SUGCT: variants seen among roughly 807,000 people sequenced by gnomAD.
The protein encoded by SUGCT is succinyl-CoA:glutarate-CoA transferase.
In SUGCT, 41 loss-of-function variants were observed where a neutral mutation model predicts 55.0. The observed-to-expected ratio is 0.74, with a 90% CI of 0.58 to 0.97. The LOEUF (loss-of-function observed/expected upper bound fraction) is 0.97. SUGCT is among the 50% of genes least tolerant of loss of function. The pLI, the probability that SUGCT is intolerant of heterozygous loss-of-function variation, is 0.00. For missense variants in SUGCT, 568 were observed against 547.8 expected (o/e 1.04, Z -0.37); for synonymous variants, 187 against 200.4 (o/e 0.93, Z 0.56).
chr7:40,971,234 C>T, the SUGCT span, among the ~76,000 whole-genome samples: 1 of 152,086 alleles, frequency 6.6e-6, no homozygotes, highest in Non-Finnish European at 1.5e-5. Flanking sequence ...CACACTTTTA[C>T]ACAACCAGGT....
intron 13 of SUGCT, among the ~76,000 whole-genome samples, chr7:40,750,112 A>G (rs1584382533): frequency 6.6e-6 from 1 of 152,236 alleles, no homozygotes; most frequent in Non-Finnish European, 1.5e-5. Context: ...TTCAGCAGCC[A>G]GTAGCCTCAT....
At chr7:40,337,317 C>T (rs1039676808) in intron 9 of SUGCT, among the ~76,000 whole-genome samples, 22 of 152,088 alleles carry the variant, frequency 1.4e-4, no homozygotes, top group Non-Finnish European at 2.4e-4. Context: ...AACTTTCTGT[C>T]TCGTTGATCT....
intron 9 of SUGCT, among the ~76,000 whole-genome samples, chr7:40,350,427 C>T (rs1797562290): frequency 6.6e-6 from 1 of 151,474 alleles, no homozygotes; most frequent in African/African-American, 2.4e-5. Flanking sequence ...GATTTTTCTG[C>T]CTCAGCCTCC....
chr7:40,202,466 C>T (rs534785921), intron 6 of SUGCT, among the ~76,000 whole-genome samples: 18 of 152,242 alleles, frequency 1.2e-4, no homozygotes, highest in South Asian at 6.2e-4. Context: ...TATGCACATG[C>T]ATGCATGTGT....
At chr7:40,423,780 G>A (rs1156734631) in intron 9 of SUGCT, among the ~76,000 whole-genome samples, 1 of 152,056 alleles carries the variant, frequency 6.6e-6, no homozygotes. Flanking sequence ...TGGAGAATTT[G>A]ATTCTGTGTA....
chr7:40,999,373 G>A, the SUGCT span, among the ~76,000 whole-genome samples: 2 of 152,010 alleles, frequency 1.3e-5, no homozygotes, highest in African/African-American at 4.8e-5. Flanking sequence ...GTACATCGAT[G>A]GACAAATTCA....
At chr7:41,011,264 G>A in the SUGCT span, among the ~76,000 whole-genome samples, 1 of 152,332 alleles carries the variant, frequency 6.6e-6, no homozygotes, top group Admixed American at 6.5e-5. Context: ...ACTCAGAAGA[G>A]GGGAGCTGTA....
At chr7:40,860,254 A>G in intron 13 of SUGCT, 62 bp from the exon 14 acceptor site, 2 of 1,601,876 alleles carry the variant, frequency 1.2e-6, no homozygotes, top group South Asian at 1.1e-5. Context: ...CAGGCTGCTT[A>G]GGTAATTAAT....
At chr7:40,752,502 C>T (rs1046468851) in intron 13 of SUGCT, among the ~76,000 whole-genome samples, 9 of 152,120 alleles carry the variant, frequency 5.9e-5, no homozygotes, top group African/African-American at 1.7e-4. Context: ...ATTACAGGGA[C>T]GTACCACCAC....
chr7:40,482,055 G>T (rs1307721211), intron 11 of SUGCT, among the ~76,000 whole-genome samples: 2 of 152,104 alleles, frequency 1.3e-5, no homozygotes, highest in East Asian at 3.8e-4. Flanking sequence ...ATATTAAAAT[G>T]TTTTAAAATG....
the SUGCT span, among the ~76,000 whole-genome samples, chr7:40,921,564 C>T: frequency 1.6e-4 from 24 of 152,318 alleles, no homozygotes; most frequent in Middle Eastern, 3.4e-3. Flanking sequence ...CTCTTCACCT[C>T]GAAGAACTCC....
intron 9 of SUGCT, among the ~76,000 whole-genome samples, chr7:40,434,996 A>G (rs546450391): frequency 3.9e-5 from 6 of 152,230 alleles, no homozygotes; most frequent in African/African-American, 1.4e-4. Context: ...GTAGCCATTC[A>G]CACTTCCCAT....
rs749468859 is a variant in SUGCT, at chr7:40,189,528, A to ATT, written c.313-11_313-10dup. The stretch of plus-strand genomic sequence containing the variant: ...TCATCGAAATAATATATATATATAT[A>ATT]TTTTTTAATTTTTAGAGTATTGCTG... On this transcript the variant is annotated splice_polypyrimidine_tract_variant and intron_variant, in intron 4 of 13. Coordinates refer to ENST00000335693, the MANE Select transcript of SUGCT (RefSeq NM_001193313.2). 12 of 980,926 alleles carry ATT rather than the reference A, an allele frequency of 1.2e-5. No individual in the cohort carries two copies. The highest frequency in any genetic ancestry group is 5.3e-5 in the African/African-American group (3 of 56,942). The allele number at this position is 980,926 out of a possible 1,614,324, so 60.8% of individuals were successfully genotyped here. A position where few individuals can be genotyped will look rare whatever the true frequency, so the allele number is the denominator to read the frequency against.
intron 13 of SUGCT, among the ~76,000 whole-genome samples, chr7:40,811,793 A>G (rs1388503009): frequency 6.6e-6 from 1 of 152,236 alleles, no homozygotes; most frequent in East Asian, 1.9e-4. Flanking sequence ...TAGCATTTCC[A>G]GTACTGTATT....
At chr7:40,871,388 C>G in the SUGCT span, among the ~76,000 whole-genome samples, 239 of 152,228 alleles carry the variant, frequency 1.6e-3, 1 homozygote, top group African/African-American at 5.1e-3. Context: ...TTTGGAGGAG[C>G]ACCAGTATAC....
At chr7:40,892,344 A>G in the SUGCT span, among the ~76,000 whole-genome samples, 1 of 152,210 alleles carries the variant, frequency 6.6e-6, no homozygotes, top group Non-Finnish European at 1.5e-5. Context: ...AAATAAAACA[A>G]AGACCTATAG....
At chr7:40,239,265 G>A (rs550359581) in intron 7 of SUGCT, among the ~76,000 whole-genome samples, 5 of 152,098 alleles carry the variant, frequency 3.3e-5, no homozygotes, top group East Asian at 1.9e-4. Context: ...ATTTTTTGTA[G>A]AGATGGTGTC....
intron 11 of SUGCT, among the ~76,000 whole-genome samples, chr7:40,464,624 C>T (rs1343200242): frequency 6.6e-6 from 1 of 152,164 alleles, no homozygotes; most frequent in African/African-American, 2.4e-5. Context: ...TCATTAGAAA[C>T]TGTACTGTGA....
intron 12 of SUGCT, among the ~76,000 whole-genome samples, chr7:40,497,267 T>C (rs1277106875): frequency 6.6e-6 from 1 of 152,212 alleles, no homozygotes; most frequent in Non-Finnish European, 1.5e-5. Context: ...TTACTGAGCA[T>C]AGAATACACC....
Sources: gnomAD v4.1 joint callset for allele counts (sites outside exome capture counted in the v4.1 genomes callset) on GRCh38, gnomAD v4.1.1 for gene constraint, MANE v1.5 for transcripts, NCBI Gene and HGNC (gene_info 2026-07-23, HGNC 2026-07-21) for gene names.